Variants in SGIP1 observed in about 807,000 individuals in gnomAD.
SGIP1 encodes the protein SH3GL interacting endocytic adaptor 1.
In SGIP1, 38 loss-of-function variants were observed where a neutral mutation model predicts 107.5. The observed-to-expected ratio is 0.35, with a 90% CI of 0.27 to 0.46. SGIP1 has a LOEUF of 0.46. Among genes scored for constraint, SGIP1 ranks in the 20% least tolerant of loss-of-function variants. The pLI, the probability that SGIP1 is intolerant of heterozygous loss-of-function variation, is 1.00. For synonymous variants in SGIP1, 365 were observed against 366.1 expected (o/e 1.00, Z 0.03); for missense variants, 929 against 1,019.5 (o/e 0.91, Z 1.21).
At chr1:66,742,953 T>C in intron 24 of SGIP1, 120 bp from the exon 25 acceptor site, 12 of 952,786 alleles carry the variant, frequency 1.3e-5, no homozygotes, top group Non-Finnish European at 2.0e-5. Context: ...GTATTGTACC[T>C]CTGAAGTATG....
At position 66,663,998 on chromosome 1, in the gene SGIP1, T is replaced by A. The variant is rs115154435; in HGVS notation, c.471+3474T>A. 3.6e-3 allele frequency among the ~76,000 whole-genome samples: 542 copies of A among 152,294 alleles called. 4 individuals are homozygous for A. The highest frequency in any genetic ancestry group is 0.012 in the African/African-American group (517 of 41,566). ...GCCTCTGAATGCTTGCAATCTAGAC[T>A]CTATTTTTCATATTTCTCATAATTT... On this transcript the variant is annotated intron_variant, in intron 8 of 24. Coordinates refer to ENST00000371037, the MANE Select transcript of SGIP1 (RefSeq NM_032291.4).
At chr1:66,706,105 A>C (rs2092480988) in intron 18 of SGIP1, among the ~76,000 whole-genome samples, 1 of 151,990 alleles carries the variant, frequency 6.6e-6, no homozygotes, top group South Asian at 2.1e-4. Context: ...AAACAAAACA[A>C]AACAAAAAAA....
intron 7 of SGIP1, among the ~76,000 whole-genome samples, chr1:66,650,210 A>G (rs1340512575): frequency 6.6e-6 from 1 of 152,182 alleles, no homozygotes; most frequent in Non-Finnish European, 1.5e-5. Context: ...CCTTTTGAAG[A>G]CAATTCCAGA....
chr1:66,660,365 G>T, intron 7 of SGIP1, 148 bp from the exon 8 acceptor site: 1 of 717,982 alleles, frequency 1.4e-6, no homozygotes, highest in South Asian at 1.6e-5. Flanking sequence ...GACCATATCA[G>T]ACCCCCACAG....
chr1:66,713,287 A>T (rs2093032279), intron 18 of SGIP1, among the ~76,000 whole-genome samples: 1 of 152,160 alleles, frequency 6.6e-6, no homozygotes, highest in South Asian at 2.1e-4. Context: ...TCCTTTGAAT[A>T]GTGGTTGGTA....
In SGIP1 at chr1:66,639,809, T is replaced by G; in HGVS notation, c.204T>G (p.Tyr68Ter). The stretch of plus-strand genomic sequence containing the variant: ...GCAATGGGGCACCAAATGGATTTTA[T>G]GCGGAAATTGATTGGGAAAGATATG... ...KKSNGAPNGF[Y>*]AEIDWERYNS... Residue 68 changes from tyrosine (Y) to a stop codon, truncating the protein, a stop_gained, in exon 5 of 25, where the codon TAT (tyrosine) becomes TAG (stop). Coordinates refer to ENST00000371037, the MANE Select transcript of SGIP1 (RefSeq NM_032291.4). LOFTEE classifies it high-confidence loss of function. 1 of 1,612,274 alleles carries G rather than the reference T, an allele frequency of 6.2e-7. No homozygotes were observed. Among genetic ancestry groups the G allele is most frequent in the Non-Finnish European group, 8.5e-7 (1 of 1,178,928 alleles).
chr1:66,703,932 T>C (rs1050467827), intron 18 of SGIP1, among the ~76,000 whole-genome samples: 26 of 151,998 alleles, frequency 1.7e-4, no homozygotes, highest in African/African-American at 6.0e-4. Flanking sequence ...ATAAGCCTTC[T>C]AGATCTTAGT....
In SGIP1 at chr1:66,682,209, G is replaced by A; in HGVS notation, c.1155G>A (p.Glu385=). 2 of 1,614,242 alleles carry A rather than the reference G, an allele frequency of 1.2e-6. No homozygotes were observed. Among genetic ancestry groups the A allele is most frequent in the Non-Finnish European group, 1.7e-6 (2 of 1,180,042 alleles). ...AAGAAGTCCAGAAGAAAGTCGCTGA[G>A]CAGACCTTCATTAAAGATGATTACT... ...NLEEVQKKVA[E]QTFIKDDYLE... The change falls in exon 15 of 25, where the codon GAG becomes GAA. Residue 385 remains glutamate (E), a synonymous_variant. Transcript: ENST00000371037.
intron 19 of SGIP1, among the ~76,000 whole-genome samples, chr1:66,723,512 CAA>C (rs1045251437): frequency 3.3e-5 from 5 of 152,142 alleles, no homozygotes; most frequent in African/African-American, 1.2e-4. Context: ...TGCTTAAAAA[CAA>C]GGGTCAGAGA....
At chr1:66,707,343 C>T (rs1481296564) in intron 18 of SGIP1, among the ~76,000 whole-genome samples, 1 of 152,144 alleles carries the variant, frequency 6.6e-6, no homozygotes, top group Non-Finnish European at 1.5e-5. Context: ...ATCTGAATCA[C>T]TTCTGGCCAT....
intron 1 of SGIP1, among the ~76,000 whole-genome samples, chr1:66,537,563 C>T (rs544793539): frequency 3.9e-5 from 6 of 152,096 alleles, no homozygotes; most frequent in South Asian, 2.1e-4. Flanking sequence ...CAACTGAAGG[C>T]GTTTTGCGTT....
At chr1:66,720,516 C>T (rs995496846) in intron 19 of SGIP1, among the ~76,000 whole-genome samples, 2 of 152,114 alleles carry the variant, frequency 1.3e-5, no homozygotes, top group Non-Finnish European at 2.9e-5. Context: ...TTGCTGAGGC[C>T]AGGAGATCGA....
intron 7 of SGIP1, among the ~76,000 whole-genome samples, chr1:66,653,251 T>A (rs979606407): frequency 6.6e-6 from 1 of 152,210 alleles, no homozygotes. Context: ...CCATGGACTG[T>A]GTGCAGAAAA....
chr1:66,630,837 A>AAG (rs1308297928), intron 2 of SGIP1, among the ~76,000 whole-genome samples: 8 of 14,758 alleles, frequency 5.4e-4, no homozygotes, highest in African/African-American at 1.8e-3. Context: ...GAAAGAAAGA[A>AAG]AGAAAGAAAG....
Position 66,745,883 on chromosome 1 carries a change from T to A in SGIP1, c.*2788T>A, listed in dbSNP as rs781023962. ...TCAAGGATTAGTCTGAATTTTATCATAATAGAAATTTATAATTACTAAGAA... is the reference window on the plus strand; with the variant it reads ...TCAAGGATTAGTCTGAATTTTATCAAAATAGAAATTTATAATTACTAAGAA... On this transcript the variant is annotated 3_prime_UTR_variant, in exon 25 of 25. Coordinates refer to ENST00000371037, the MANE Select transcript of SGIP1 (RefSeq NM_032291.4). 6.6e-6 allele frequency: 1 copy of A among 152,146 alleles called. No individual in the cohort carries two copies. The highest frequency in any genetic ancestry group is 2.1e-4 in the South Asian group (1 of 4,832). 9.4% of individuals were successfully genotyped at this position (152,146 alleles called of 1,614,324 possible). A position where few individuals can be genotyped will look rare whatever the true frequency, so the allele number is the denominator to read the frequency against.
chr1:66,727,406 G>A (rs113990962), intron 19 of SGIP1, among the ~76,000 whole-genome samples: 2 of 152,332 alleles, frequency 1.3e-5, no homozygotes, highest in African/African-American at 4.8e-5. Context: ...TCTACCAAGT[G>A]TTGGTGAGAA....
intron 2 of SGIP1, 169 bp downstream of exon 2, chr1:66,626,079 C>T (rs4655503): frequency 0.16 from 60,389 of 371,144 alleles, 6,812 homozygotes; most frequent in East Asian, 0.46. Context: ...TAGATTTATG[C>T]TAAAAAGGTA....
At position 66,682,169 on chromosome 1, in the gene SGIP1, C is replaced by G. The variant is rs559963198; in HGVS notation, c.1115C>G (p.Ser372Trp). 2 of 1,614,100 alleles carry G rather than the reference C, an allele frequency of 1.2e-6. No individual in the cohort carries two copies. Among genetic ancestry groups the G allele is most frequent in the Admixed American group, 1.7e-5 (1 of 60,006 alleles). Residue 372 changes from serine (S) to tryptophan (W), a missense_variant, in exon 15 of 25, where the codon TCG (serine) becomes TGG (tryptophan). By Grantham distance (177) the Ser-to-Trp change is radical. This residue lies in a region of SGIP1 where 588 missense variants were observed against 588.6 expected (regional missense o/e 1.00). Coordinates refer to ENST00000371037, the MANE Select transcript of SGIP1 (RefSeq NM_032291.4). ...GPPGPPRNVL[S>W]PLNLEEVQKK... ...CCTGGGCCTCCTCGCAATGTACTAT[C>G]GCCGCTCAATTTAGAAGAAGTCCAG...
intron 1 of SGIP1, among the ~76,000 whole-genome samples, chr1:66,585,300 G>A (rs1375050446): frequency 6.6e-6 from 1 of 152,068 alleles, no homozygotes; most frequent in Non-Finnish European, 1.5e-5. Flanking sequence ...GTTTTGTGCT[G>A]AACTCTACAT....
Sources: allele counts gnomAD v4.1 joint callset (sites outside exome capture counted in the v4.1 genomes callset), GRCh38; gene constraint gnomAD v4.1.1; regional missense constraint gnomAD v4.1.1; transcripts MANE v1.5; gene names NCBI Gene and HGNC (gene_info 2026-07-23, HGNC 2026-07-21).